The following PHLDB1 variants were observed in gnomAD, a reference collection of about 807,000 sequenced individuals.
PHLDB1 encodes the protein pleckstrin homology-like domain family B member 1.
PHLDB1 carries 65 observed loss-of-function variants against 139.3 expected under a neutral mutation model. The ratio of observed to expected loss-of-function variants is 0.47; its 90% CI spans 0.38 to 0.57. The LOEUF (loss-of-function observed/expected upper bound fraction) is 0.57, where lower values mean the gene tolerates loss of function less well. PHLDB1 is among the 20% of genes least tolerant of loss of function. PHLDB1 has a pLI of 0.00. For synonymous variants in PHLDB1, 679 were observed against 734.5 expected, an observed-to-expected ratio of 0.92 and a Z score of 1.22; for missense variants, 1,624 against 1,839.7, an observed-to-expected ratio of 0.88 and a Z score of 2.14.
At chr11:118,643,615 A>G (rs1946948531) in intron 13 of PHLDB1, 185 bp from the exon 14 acceptor site, 11 of 985,324 alleles carry the variant, frequency 1.1e-5, no homozygotes, top group Non-Finnish European at 1.3e-5. Context: ...CAGCCTGGAA[A>G]GGAGAATTGG....
intron 13 of PHLDB1, among the ~76,000 whole-genome samples, chr11:118,642,694 G>T (rs1267580092): frequency 6.6e-6 from 1 of 152,236 alleles, no homozygotes; most frequent in Admixed American, 6.5e-5. Flanking sequence ...CTAGGCTGTG[G>T]GTCTGGCCTA....
Position 118,631,477 on chromosome 11 carries a change from G to A in PHLDB1, c.2098G>A (p.Glu700Lys). 1.4e-6 allele frequency: 2 copies of A among 1,425,472 alleles called. No individual in the cohort carries two copies. Among genetic ancestry groups the A allele is most frequent in the Middle Eastern group, 1.9e-4 (1 of 5,330 alleles). The allele number at this position is 1,425,472 out of a possible 1,614,324, so 88.3% of individuals were successfully genotyped here. ...CAGCAGCACTGAGAGCACCCAGCAG[G>A]AGGTGAGATGGAGGGGTAGGCAAGA... Reference protein sequence around the residue: ...ECSSTESTQQEHEDAPSTKLQ... With the variant: ...ECSSTESTQQKHEDAPSTKLQ... The change falls in exon 7 of 23, where the codon GAG becomes AAG. Residue 700 changes from glutamate to lysine, a missense_variant and splice_region_variant. Coordinates refer to ENST00000600882, the MANE Select transcript of PHLDB1 (RefSeq NM_001144758.3).
Position 118,650,202 on chromosome 11 carries a change from C to A in PHLDB1, c.3771+9C>A. 2 of 1,591,834 alleles carry A rather than the reference C, an allele frequency of 1.3e-6. No homozygotes were observed. The highest frequency in any genetic ancestry group is 1.7e-6 in the Non-Finnish European group (2 of 1,159,730). ...TGGTGCTCAGCAGCAAGGTACAAGGCGTGTGTGGCCCTGGGGTGCTGGGGA... is the reference window on the plus strand; with the variant it reads ...TGGTGCTCAGCAGCAAGGTACAAGGAGTGTGTGGCCCTGGGGTGCTGGGGA... On this transcript the variant is annotated intron_variant, in intron 19 of 22. Coordinates refer to ENST00000600882, the MANE Select transcript of PHLDB1 (RefSeq NM_001144758.3). This position sits in a 1 kb window ranked among gnomAD's most constrained non-coding sequence, Gnocchi z 4.7.
chr11:118,630,142 G>A, intron 6 of PHLDB1: 1 of 1,037,576 alleles, frequency 9.6e-7, no homozygotes, highest in Non-Finnish European at 1.3e-6. Context: ...TGGGTTCATG[G>A]CCAAACTGTA....
Position 118,608,716 on chromosome 11 carries a change from C to T in PHLDB1, c.-22+1017C>T, listed in dbSNP as rs554905358. On this transcript the variant is annotated intron_variant, in intron 1 of 22. Coordinates refer to ENST00000600882, the MANE Select transcript of PHLDB1 (RefSeq NM_001144758.3). The surrounding 1 kb of genome is among the most constrained non-coding windows in gnomAD (Gnocchi z 6.7). ...GCGGCACACACGCACGCCTCCGCGA[C>T]ACTTCGCACACCTACGTCCCTGCGT... is the stretch of plus-strand genomic sequence containing the variant. Among the ~76,000 whole-genome samples, 1 of 152,250 alleles carries T rather than the reference C, an allele frequency of 6.6e-6. No individual in the cohort carries two copies. Among genetic ancestry groups the T allele is most frequent in the African/African-American group, 2.4e-5 (1 of 41,552 alleles).
In PHLDB1 at chr11:118,621,752, A is replaced by G. The variant is rs1013047202; in HGVS notation, c.356-3182A>G. Among the ~76,000 whole-genome samples, 29 of 152,224 alleles carry G rather than the reference A, an allele frequency of 1.9e-4. 1 individual carries two copies. Among genetic ancestry groups the G allele is most frequent in the East Asian group, 5.8e-4 (3 of 5,158 alleles). The stretch of plus-strand genomic sequence containing the variant: ...GGCTTGGGGGCACTTCTCAGCCGGT[A>G]GACCTTATCTTCTCCAGCGCTCCGG... On this transcript the variant is annotated intron_variant, in intron 4 of 22. Transcript: ENST00000600882.
rs1939876027 is a variant in PHLDB1, at chr11:118,610,109, C to T, written c.-22+2410C>T. Among the ~76,000 whole-genome samples, 1 of 151,978 alleles carries T rather than the reference C, an allele frequency of 6.6e-6. No individual in the cohort carries two copies. Among genetic ancestry groups the T allele is most frequent in the Non-Finnish European group, 1.5e-5 (1 of 67,976 alleles). On this transcript the variant is annotated intron_variant, in intron 1 of 22. Coordinates refer to ENST00000600882, the MANE Select transcript of PHLDB1 (RefSeq NM_001144758.3). This position sits in a 1 kb window ranked among gnomAD's most constrained non-coding sequence, Gnocchi z 8.7. ...TTGAGGACCCGCCTGTCCTTTCTTC[C>T]CCCGACCCCTCCACCTCTGTGTTCT...
At chr11:118,615,956 A>G in intron 3 of PHLDB1, 85 bp from the exon 4 acceptor site, 1 of 1,114,502 alleles carries the variant, frequency 9.0e-7, no homozygotes, top group Non-Finnish European at 1.3e-6. Flanking sequence ...AGGTGGAAAT[A>G]TGTTTCCACT....
Position 118,648,089 on chromosome 11 carries a change from T to C in PHLDB1, c.3654+13T>C. 6.2e-7 allele frequency: 1 copy of C among 1,611,850 alleles called. No homozygotes were observed. Among genetic ancestry groups the C allele is most frequent in the Non-Finnish European group, 8.5e-7 (1 of 1,178,698 alleles). ...ACAATTTTCCCAGGTGAATGGGCAG[T>C]GGGGCACAGTGGTGGTTGGTTTGAC... On this transcript the variant is annotated intron_variant, in intron 18 of 22. Coordinates refer to ENST00000600882, the MANE Select transcript of PHLDB1 (RefSeq NM_001144758.3).
In PHLDB1 at chr11:118,631,321, C is replaced by A; in HGVS notation, c.1942C>A (p.Leu648Met). 1 of 1,546,516 alleles carries A rather than the reference C, an allele frequency of 6.5e-7. No homozygotes were observed. ...TGGGGAGGCCACCGCAGCATTGGCA[C>A]TGGCAGGCCGGAGGCCCTCACGAGG... ...SIGEATAALA[L>M]AGRRPSRGLA... The change falls in exon 7 of 23, where the codon CTG becomes ATG. Residue 648 changes from leucine to methionine, a missense_variant. Physicochemically the swap from Leu to Met is conservative, Grantham distance 15. Coordinates refer to ENST00000600882, the MANE Select transcript of PHLDB1 (RefSeq NM_001144758.3).
In PHLDB1 at chr11:118,610,504, G is replaced by C; in HGVS notation, c.-22+2805G>C. The C allele has an allele frequency of 1.2e-6, 1 of 801,180 alleles. No homozygotes were observed. Among genetic ancestry groups the C allele is most frequent in the Non-Finnish European group, 1.5e-6 (1 of 661,886 alleles). The allele number at this position is 801,180 out of a possible 1,614,324, so 49.6% of individuals were successfully genotyped here. A position where few individuals can be genotyped will look rare whatever the true frequency, so the allele number is the denominator to read the frequency against. On this transcript the variant is annotated intron_variant, in intron 1 of 22. Transcript: ENST00000600882. The surrounding 1 kb of genome is among the most constrained non-coding windows in gnomAD (Gnocchi z 8.7). ...GCCATGCACCGCTTGGGCCGAGGCC[G>C]AGGCCGACCCCCAGGGACACAGGTG...
intron 5 of PHLDB1, 167 bp from the exon 6 acceptor site, chr11:118,627,138 G>T (rs1328709604): frequency 1.4e-5 from 9 of 645,814 alleles, no homozygotes; most frequent in Non-Finnish European, 2.4e-5. Context: ...CTTGGCTAAG[G>T]TTGCATAGCA....
chr11:118,628,190 A>G lies in PHLDB1; in HGVS notation c.1367A>G (p.Glu456Gly). The G allele has an allele frequency of 3.7e-6, 6 of 1,613,960 alleles. No homozygotes were observed. Among genetic ancestry groups the G allele is most frequent in the Admixed American group, 1.7e-5 (1 of 60,020 alleles). The change falls in exon 6 of 23, where the codon GAA becomes GGA. Residue 456 changes from glutamate (E) to glycine (G), a missense_variant. Glu to Gly is a moderately conservative substitution (Grantham distance 98). Coordinates refer to ENST00000600882, the MANE Select transcript of PHLDB1 (RefSeq NM_001144758.3). ...CGGCGGGGCCTGGACAGTATGCGAG[A>G]ACTACCCCCCTTAAGTCCATCTCTG... ...LGRRGLDSMR[E>G]LPPLSPSLSR...
At chr11:118,641,915 C>G (rs1218883703) in intron 12 of PHLDB1, 2 of 627,536 alleles carry the variant, frequency 3.2e-6, no homozygotes. Flanking sequence ...CAGGCTCTGT[C>G]TGGTGGCTGG....
chr11:118,613,314 T>C (rs1226944519), intron 1 of PHLDB1: 3 of 985,828 alleles, frequency 3.0e-6, no homozygotes, highest in Non-Finnish European at 3.6e-6. Flanking sequence ...ACTAAAGCCC[T>C]GGGAAAAGAG....
chr11:118,615,983 T>C, intron 3 of PHLDB1, 58 bp from the exon 4 acceptor site: 1 of 1,443,458 alleles, frequency 6.9e-7, no homozygotes, highest in Admixed American at 1.8e-5. Context: ...CTCCTTGCCC[T>C]GTCACTGCCT....
intron 9 of PHLDB1, chr11:118,634,787 A>C: frequency 8.9e-6 from 2 of 224,260 alleles, no homozygotes; most frequent in Non-Finnish European, 9.5e-6. Flanking sequence ...CTCAACCCCC[A>C]TTGCCGACCC....
intron 17 of PHLDB1, chr11:118,646,749 A>G (rs1271226781): frequency 6.6e-6 from 1 of 152,196 alleles, no homozygotes; most frequent in Non-Finnish European, 1.5e-5. Flanking sequence ...TGTGTCCACC[A>G]TTGGAGGCAC....
In PHLDB1 at chr11:118,650,714, C is replaced by T; in HGVS notation, c.3874+167C>T. The T allele has an allele frequency of 5.0e-6, 3 of 604,340 alleles. No individual in the cohort carries two copies. Among genetic ancestry groups the T allele is most frequent in the South Asian group, 3.9e-5 (2 of 50,804 alleles). 37.4% of individuals were successfully genotyped at this position (604,340 alleles called of 1,614,324 possible). On this transcript the variant is annotated intron_variant, in intron 20 of 22. Transcript: ENST00000600882. This position sits in a 1 kb window ranked among gnomAD's most constrained non-coding sequence, Gnocchi z 4.7. Reference sequence around the variant, plus strand: ...AATGTACACAATGTACCTGGTTCACCTCCATTTTTGTGTTCATTCATTCAT... The same window carrying T: ...AATGTACACAATGTACCTGGTTCACTTCCATTTTTGTGTTCATTCATTCAT...
Sources: gnomAD v4.1 joint callset for allele counts (sites outside exome capture counted in the v4.1 genomes callset) on GRCh38, gnomAD v4.1.1 for gene constraint, Gnocchi (gnomAD v3.1) non-coding constraint, MANE v1.5 for transcripts, NCBI Gene and HGNC (gene_info 2026-07-23, HGNC 2026-07-21) for gene names.